The following PLEKHG1 variants were observed in gnomAD, a reference collection of about 807,000 sequenced individuals.
The protein encoded by PLEKHG1 is pleckstrin homology domain-containing family G member 1.
A neutral mutation model predicts 100.8 loss-of-function variants in PLEKHG1; 44 were observed. The ratio of observed to expected loss-of-function variants is 0.44; its 90% CI spans 0.34 to 0.56. The LOEUF is 0.56. Among genes scored for constraint, PLEKHG1 ranks in the 20% least tolerant of loss-of-function variants. The probability of loss-of-function intolerance (pLI) is 0.01; values close to 1 mark genes in which losing one functional copy is unlikely to be tolerated. For missense variants in PLEKHG1, 1,545 were observed against 1,720.9 expected, an observed-to-expected ratio of 0.90 and a Z score of 1.81; for synonymous variants, 640 against 662.5, an observed-to-expected ratio of 0.97 and a Z score of 0.52.
intron 3 of PLEKHG1, among the ~76,000 whole-genome samples, chr6:150,709,347 C>T (rs994109005): frequency 3.9e-5 from 6 of 152,032 alleles, no homozygotes; most frequent in African/African-American, 1.2e-4. Context: ...AAAACAAAAA[C>T]GGAATTACAG....
intron 3 of PLEKHG1, among the ~76,000 whole-genome samples, chr6:150,674,628 C>CCCTCCCTCTCTCCCTCTCTCT (rs1554258824): frequency 1.9e-5 from 1 of 51,848 alleles, no homozygotes; most frequent in African/African-American, 7.7e-5. Context: ...TTCTCTCTCT[C>CCCTCCCTCTCTCCCTCTCTCT]CTCCCTCTCT....
chr6:150,749,701 G>GAAGACT (rs1327755978), intron 2 of PLEKHG1, among the ~76,000 whole-genome samples: 3 of 152,160 alleles, frequency 2.0e-5, no homozygotes, highest in Non-Finnish European at 4.4e-5. Context: ...ATGAGGAAAA[G>GAAGACT]AAGACTACTG....
intron 2 of PLEKHG1, among the ~76,000 whole-genome samples, chr6:150,738,952 G>A (rs1426465814): frequency 1.3e-5 from 2 of 152,142 alleles, no homozygotes; most frequent in African/African-American, 2.4e-5. Context: ...ATCCATAGTT[G>A]GAAAGCAGAA....
Position 150,611,737 on chromosome 6 carries a change from G to A in PLEKHG1, c.-204+11720G>A, listed in dbSNP as rs149475238. Among the ~76,000 whole-genome samples the A allele has an allele frequency of 5.0e-3, 760 of 151,632 alleles. 7 individuals carry two copies. The highest frequency in any genetic ancestry group is 0.018 in the African/African-American group (726 of 41,302). ...TAAGGCAGGAGAGTCGCTTCAACTC[G>A]GTAGGCGGAGGTTGCAGTGAGTGGA... On this transcript the variant is annotated intron_variant, in intron 1 of 3. Transcript: ENST00000367326.
At chr6:150,793,065 C>T (rs975642567) in intron 4 of PLEKHG1, among the ~76,000 whole-genome samples, 1 of 152,130 alleles carries the variant, frequency 6.6e-6, no homozygotes, top group Non-Finnish European at 1.5e-5. Flanking sequence ...AAATTGATCA[C>T]CTTTGCATGA....
intron 1 of PLEKHG1, among the ~76,000 whole-genome samples, chr6:150,616,652 G>A (rs556943091): frequency 6.6e-6 from 1 of 152,220 alleles, no homozygotes; most frequent in Non-Finnish European, 1.5e-5. Context: ...ATTTGGCAAG[G>A]GTTGTTTACT....
At chr6:150,671,088 C>CATATATATATAT (rs10566696) in intron 3 of PLEKHG1, among the ~76,000 whole-genome samples, 42 of 147,512 alleles carry the variant, frequency 2.8e-4, no homozygotes, top group East Asian at 1.6e-3. Context: ...AGTATTCCAT[C>CATATATATATAT]ATATATATAT....
chr6:150,628,633 A>T lies in PLEKHG1; in HGVS notation c.-203-9447A>T, dbSNP rs192333555. Among the ~76,000 whole-genome samples the T allele has an allele frequency of 1.9e-4, 28 of 150,434 alleles. No homozygotes were observed. The East Asian group carries it at 4.7e-3, about 26-fold the overall frequency. ...TATATCTGGATTAAGTATTAACTTG[A>T]CTTGAGTGAAAGGACTCAGGGTTGA... is the stretch of plus-strand genomic sequence containing the variant. On this transcript the variant is annotated intron_variant, in intron 1 of 3. Transcript: ENST00000367326.
chr6:150,635,296 G>A (rs1777946133), intron 1 of PLEKHG1, among the ~76,000 whole-genome samples: 1 of 152,030 alleles, frequency 6.6e-6, no homozygotes, highest in South Asian at 2.1e-4. Context: ...CTTGATAAAT[G>A]ACATTGAAAT....
At chr6:150,645,618 G>C (rs1306139226) in intron 2 of PLEKHG1, among the ~76,000 whole-genome samples, 3 of 152,104 alleles carry the variant, frequency 2.0e-5, no homozygotes, top group African/African-American at 7.2e-5. Context: ...TCACAGGGAA[G>C]GAAACATAGA....
At chr6:150,781,233 G>A (rs941574173) in intron 3 of PLEKHG1, among the ~76,000 whole-genome samples, 2 of 150,594 alleles carry the variant, frequency 1.3e-5, no homozygotes, top group South Asian at 2.1e-4. Context: ...GGCTGGGCAC[G>A]GTGGCTCACA....
intron 10 of PLEKHG1, among the ~76,000 whole-genome samples, chr6:150,810,051 G>T (rs9478829): frequency 0.26 from 39,970 of 151,778 alleles, 5,463 homozygotes; most frequent in Middle Eastern, 0.37. Flanking sequence ...ATCCCAGCAC[G>T]TTGGGAGGCC....
At chr6:150,780,261 G>A (rs1326286988) in intron 3 of PLEKHG1, among the ~76,000 whole-genome samples, 7 of 150,250 alleles carry the variant, frequency 4.7e-5, no homozygotes, top group East Asian at 2.0e-4. Flanking sequence ...TCGACCTCCC[G>A]AGTAGCACCA....
intron 14 of PLEKHG1, among the ~76,000 whole-genome samples, chr6:150,827,330 T>G (rs1776665842): frequency 6.7e-6 from 1 of 150,170 alleles, no homozygotes; most frequent in Non-Finnish European, 1.5e-5. Context: ...CAGGCTGGAG[T>G]GCAGTGGCAC....
intron 3 of PLEKHG1, 110 bp downstream of exon 4, chr6:150,768,848 T>A (rs770051009): frequency 7.9e-5 from 53 of 673,406 alleles, no homozygotes; most frequent in Non-Finnish European, 1.2e-4. Context: ...CTTCATATAT[T>A]TTTGTGGGCT....
intron 13 of PLEKHG1, 98 bp downstream of exon 14, chr6:150,821,331 C>T: frequency 2.5e-6 from 2 of 805,156 alleles, no homozygotes; most frequent in Non-Finnish European, 4.2e-6. Context: ...TACATATTGA[C>T]AGATTTGATT....
At chr6:150,653,412 T>C (rs1049985604) in intron 3 of PLEKHG1, among the ~76,000 whole-genome samples, 1 of 151,864 alleles carries the variant, frequency 6.6e-6, no homozygotes, top group Non-Finnish European at 1.5e-5. Flanking sequence ...CCCCCACGTG[T>C]ATGTGAGATT....
chr6:150,694,314 T>C (rs184972757), intron 3 of PLEKHG1, among the ~76,000 whole-genome samples: 53 of 152,358 alleles, frequency 3.5e-4, no homozygotes, highest in African/African-American at 1.2e-3. Flanking sequence ...CATCTCTCAG[T>C]GCCTCATTTT....
intron 2 of PLEKHG1, among the ~76,000 whole-genome samples, chr6:150,753,894 C>G (rs1783673237): frequency 6.6e-6 from 1 of 152,174 alleles, no homozygotes; most frequent in Non-Finnish European, 1.5e-5. Flanking sequence ...GCAGCGGGGG[C>G]ACCGTTAACC....
Sources: gnomAD v4.1 joint callset for allele counts (sites outside exome capture counted in the v4.1 genomes callset) on GRCh38, gnomAD v4.1.1 for gene constraint, MANE v1.5 for transcripts, NCBI Gene and HGNC (gene_info 2026-07-23, HGNC 2026-07-21) for gene names.